The following RAB18 variants were observed in gnomAD, a reference collection of about 807,000 sequenced individuals.
The protein encoded by RAB18 is RAB18, member RAS oncogene family.
RAB18 carries 10 observed loss-of-function variants against 28.5 expected under a neutral mutation model. The observed-to-expected ratio is 0.35, with a 90% CI of 0.22 to 0.60. The LOEUF (loss-of-function observed/expected upper bound fraction) is 0.60, where lower values mean the gene tolerates loss of function less well. Among genes scored for constraint, RAB18 ranks in the 20% least tolerant of loss-of-function variants. The pLI is 0.78. For synonymous variants in RAB18, 93 were observed against 86.9 expected (o/e 1.07, Z -0.39); for missense variants, 188 against 244.2 (o/e 0.77, Z 1.53).
intron 2 of RAB18, among the ~76,000 whole-genome samples, chr10:27,513,121 G>A (rs918308466): frequency 2.7e-5 from 4 of 149,672 alleles, no homozygotes; most frequent in African/African-American, 4.9e-5. Flanking sequence ...TGCAATCTCC[G>A]CCTCCCAGGT....
intron 2 of RAB18, among the ~76,000 whole-genome samples, chr10:27,520,762 C>A (rs1302734364): frequency 3.3e-5 from 5 of 151,344 alleles, no homozygotes; most frequent in Non-Finnish European, 5.9e-5. Flanking sequence ...ACTAAAAATA[C>A]AAAAATTAGC....
rs928062573 is a variant in RAB18 at position 27,538,708 on chromosome 10, C to A, written c.*657C>A. 2 of 453,930 alleles carry A rather than the reference C, an allele frequency of 4.4e-6. No individual in the cohort carries two copies. Among genetic ancestry groups the A allele is most frequent in the African/African-American group, 2.0e-5 (1 of 49,970 alleles). The allele number at this position is 453,930 out of a possible 1,614,324, so 28.1% of individuals were successfully genotyped here. A position where few individuals can be genotyped will look rare whatever the true frequency, so the allele number is the denominator to read the frequency against. On this transcript the variant is annotated 3_prime_UTR_variant, in exon 7 of 7. Coordinates refer to ENST00000356940, the MANE Select transcript of RAB18 (RefSeq NM_021252.5). The stretch of plus-strand genomic sequence containing the variant: ...TCAGTTGCTTAACTGGAGTTTTAAT[C>A]CTGTGATATGTACATTGGATTCATG...
In RAB18 at chr10:27,504,484, G is replaced by A. The variant is rs1483572208; in HGVS notation, c.68+47G>A. Reference sequence around the variant, plus strand: ...TGACGAGGGTGGCTGGGCTCTTTCTGCCCCGGTGGCTGCTGTCTCCTGGGC... The same window carrying A: ...TGACGAGGGTGGCTGGGCTCTTTCTACCCCGGTGGCTGCTGTCTCCTGGGC... On this transcript the variant is annotated intron_variant, in intron 1 of 6. Coordinates refer to ENST00000356940, the MANE Select transcript of RAB18 (RefSeq NM_021252.5). 5.2e-6 allele frequency: 8 copies of A among 1,542,410 alleles called. No individual in the cohort carries two copies. The Admixed American group carries it at 1.6e-4, about 30-fold the overall frequency.
chr10:27,504,574 T>TCGCGG (rs1837756957), intron 1 of RAB18, 137 bp downstream of exon 1: 1 of 1,006,372 alleles, frequency 9.9e-7, no homozygotes, highest in East Asian at 2.6e-5. Context: ...CTCCTCGGCC[T>TCGCGG]CTGGGCCGCG....
chr10:27,505,464 C>T (rs1214043166), intron 1 of RAB18, among the ~76,000 whole-genome samples: 2 of 152,190 alleles, frequency 1.3e-5, no homozygotes, highest in African/African-American at 2.4e-5. Context: ...AAGCTCTCCT[C>T]AAATAACTTG....
In RAB18 at chr10:27,539,747, T is replaced by A. The variant is rs886046973; in HGVS notation, c.*1696T>A. 6.2e-5 allele frequency: 28 copies of A among 450,600 alleles called. No individual in the cohort carries two copies. Among genetic ancestry groups the A allele is most frequent in the Non-Finnish European group, 1.2e-4 (27 of 225,834 alleles). 27.9% of individuals were successfully genotyped at this position (450,600 alleles called of 1,614,324 possible). A position where few individuals can be genotyped will look rare whatever the true frequency, so the allele number is the denominator to read the frequency against. ...TTTGAATATATATGAGTTACTTGAATATAACAAAAATGAATTTTGTTTGAT... is the reference window on the plus strand; with the variant it reads ...TTTGAATATATATGAGTTACTTGAAAATAACAAAAATGAATTTTGTTTGAT... On this transcript the variant is annotated 3_prime_UTR_variant, in exon 7 of 7. Transcript: ENST00000356940.
At chr10:27,513,460 A>C (rs915978794) in intron 2 of RAB18, among the ~76,000 whole-genome samples, 3 of 152,218 alleles carry the variant, frequency 2.0e-5, no homozygotes, top group African/African-American at 7.2e-5. Context: ...ACCTTTTAGT[A>C]ACTTAGTGAG....
Position 27,539,863 on chromosome 10 carries a change from A to G in RAB18, c.*1812A>G, listed in dbSNP as rs1834986045. The G allele has an allele frequency of 6.6e-6, 3 of 453,894 alleles. No homozygotes were observed. Among genetic ancestry groups the G allele is most frequent in the South Asian group, 4.7e-5 (3 of 64,426 alleles). 28.1% of individuals were successfully genotyped at this position (453,894 alleles called of 1,614,324 possible). ...GTGTAGGAAGTATATACATTTCCCTATTACTCTCATCAGCTGAAGAATATG... is the reference window on the plus strand; with the variant it reads ...GTGTAGGAAGTATATACATTTCCCTGTTACTCTCATCAGCTGAAGAATATG... On this transcript the variant is annotated 3_prime_UTR_variant, in exon 7 of 7. Transcript: ENST00000356940.
chr10:27,529,360 T>C (rs930602550), intron 3 of RAB18, among the ~76,000 whole-genome samples: 1 of 151,984 alleles, frequency 6.6e-6, no homozygotes, highest in African/African-American at 2.4e-5. Context: ...TCCTCTGTAT[T>C]AGAAATATAT....
rs963101681 is a variant in RAB18 at position 27,539,332 on chromosome 10, T to C, written c.*1281T>C. The C allele has an allele frequency of 3.5e-6, 1 of 289,356 alleles. No individual in the cohort carries two copies. The highest frequency in any genetic ancestry group is 2.3e-5 in the African/African-American group (1 of 44,420). The allele number at this position is 289,356 out of a possible 1,614,324, so 17.9% of individuals were successfully genotyped here. ...TTCCAGTATTAATTTCTGGGCAGTT[T>C]GTTCTCTGTATACAATTGCAAATGA... On this transcript the variant is annotated 3_prime_UTR_variant, in exon 7 of 7. Transcript: ENST00000356940.
intron 3 of RAB18, among the ~76,000 whole-genome samples, chr10:27,529,567 C>T (rs1834747123): frequency 6.6e-6 from 1 of 151,906 alleles, no homozygotes; most frequent in African/African-American, 2.4e-5. Flanking sequence ...TCACTCCCTA[C>T]ATCTATTATT....
chr10:27,504,789 T>C (rs1837772503), intron 1 of RAB18: 2 of 530,412 alleles, frequency 3.8e-6, no homozygotes, highest in African/African-American at 1.9e-5. Context: ...GGGGGCGCCT[T>C]GCCTCGAACC....
intron 4 of RAB18, 63 bp downstream of exon 4, chr10:27,532,642 T>C (rs375574958): frequency 2.3e-6 from 3 of 1,293,024 alleles, no homozygotes; most frequent in Middle Eastern, 2.5e-4. Flanking sequence ...TGTCCTAGTC[T>C]GTGAAAGTTA....
intron 1 of RAB18, among the ~76,000 whole-genome samples, chr10:27,508,517 G>A (rs1409586980): frequency 6.6e-6 from 1 of 152,164 alleles, no homozygotes; most frequent in Non-Finnish European, 1.5e-5. Context: ...ATGGGTAACT[G>A]AGTATGTTGG....
intron 2 of RAB18, among the ~76,000 whole-genome samples, chr10:27,518,778 A>T (rs1834488631): frequency 6.6e-6 from 1 of 152,082 alleles, no homozygotes; most frequent in African/African-American, 2.4e-5. Context: ...TTTTGATGAA[A>T]TCTAACTTCT....
intron 6 of RAB18, among the ~76,000 whole-genome samples, chr10:27,536,451 G>A (rs1834902234): frequency 6.6e-6 from 1 of 151,968 alleles, no homozygotes; most frequent in African/African-American, 2.4e-5. Context: ...AGGCTGAGGT[G>A]GGAGGATCAC....
chr10:27,520,368 C>T (rs1834521157), intron 2 of RAB18, among the ~76,000 whole-genome samples: 1 of 150,980 alleles, frequency 6.6e-6, no homozygotes, highest in African/African-American at 2.4e-5. Flanking sequence ...TGAACCTTTT[C>T]TCTCACTCTC....
rs774063020 is a variant in RAB18, at chr10:27,504,304, A to C, written c.-66A>C. The C allele has an allele frequency of 8.9e-6, 13 of 1,465,774 alleles. No homozygotes were observed. Among genetic ancestry groups the C allele is most frequent in the Non-Finnish European group, 9.3e-6 (10 of 1,074,292 alleles). The allele number at this position is 1,465,774 out of a possible 1,614,324, so 90.8% of individuals were successfully genotyped here. ...GAGCGGCGCGCATGCGCAGCAGCTC[A>C]CTCTGCTGAAGGGCTGAGAGGCGCA... On this transcript the variant is annotated 5_prime_UTR_variant, in exon 1 of 7. Coordinates refer to ENST00000356940, the MANE Select transcript of RAB18 (RefSeq NM_021252.5).
At position 27,541,837 on chromosome 10, in the gene RAB18, C is replaced by T. The variant is rs1311292761; in HGVS notation, c.*3786C>T. 5.4e-6 allele frequency: 2 copies of T among 371,678 alleles called. No individual in the cohort carries two copies. The highest frequency in any genetic ancestry group is 1.1e-5 in the Non-Finnish European group (2 of 187,264). 23.0% of individuals were successfully genotyped at this position (371,678 alleles called of 1,614,324 possible). On this transcript the variant is annotated 3_prime_UTR_variant, in exon 7 of 7. Coordinates refer to ENST00000356940, the MANE Select transcript of RAB18 (RefSeq NM_021252.5). ...TCTCCCACCATACCACCCCCACCCC[C>T]ACCCCTGCAAACAATTGGCATGTGG...
Sources: allele counts gnomAD v4.1 joint callset (sites outside exome capture counted in the v4.1 genomes callset), GRCh38; gene constraint gnomAD v4.1.1; transcripts MANE v1.5; gene names NCBI Gene and HGNC (gene_info 2026-07-23, HGNC 2026-07-21).